The following ABLIM3 variants were observed in gnomAD, a reference collection of about 807,000 sequenced individuals.
ABLIM3 encodes the protein actin binding LIM protein family member 3.
A neutral mutation model predicts 109.5 loss-of-function variants in ABLIM3; 61 were observed. The ratio of observed to expected loss-of-function variants is 0.56; its 90% CI spans 0.45 to 0.69. The LOEUF is 0.69. Among genes scored for constraint, ABLIM3 ranks in the 30% least tolerant of loss-of-function variants. The pLI is 0.00. For synonymous variants in ABLIM3, 300 were observed against 324.8 expected (o/e 0.92, Z 0.82); for missense variants, 796 against 889.5 (o/e 0.89, Z 1.34).
chr5:149,253,786 C>T (rs548977011), intron 23 of ABLIM3, among the ~76,000 whole-genome samples: 1 of 152,266 alleles, frequency 6.6e-6, no homozygotes, highest in Admixed American at 6.5e-5. Flanking sequence ...GCACACTCTG[C>T]CCCTTACAGC....
At chr5:149,175,626 C>T in intron 2 of ABLIM3, among the ~76,000 whole-genome samples, 1 of 152,044 alleles carries the variant, frequency 6.6e-6, no homozygotes, top group East Asian at 1.9e-4. Context: ...GAGGGGCGGG[C>T]AATCCGGCAG....
rs746279555 is a variant in ABLIM3 at position 149,142,120 on chromosome 5, C to T, written c.13+12C>T. 6.2e-7 allele frequency: 1 copy of T among 1,613,550 alleles called. No homozygotes were observed. Among genetic ancestry groups the T allele is most frequent in the East Asian group, 2.2e-5 (1 of 44,836 alleles). ...CATGAACACTAGCAGTAAGTGGATC[C>T]TCCTCTCCTTTGCCATGGGAACAGG... On this transcript the variant is annotated intron_variant, in intron 2 of 23. Transcript: ENST00000309868.
intron 3 of ABLIM3, among the ~76,000 whole-genome samples, chr5:149,190,571 T>C (rs1214974992): frequency 2.0e-5 from 3 of 152,062 alleles, no homozygotes; most frequent in Non-Finnish European, 4.4e-5. Context: ...TCCCAGCTAC[T>C]TGGGAGGCTG....
rs1354585187 is a variant in ABLIM3 at position 149,243,837 on chromosome 5, G to A, written c.1352-1044G>A. On this transcript the variant is annotated intron_variant, in intron 15 of 23. Coordinates refer to ENST00000309868, the MANE Select transcript of ABLIM3 (RefSeq NM_014945.5). ...AAAGCAGACTCAAGAGGAGTCTGGG[G>A]TGGAGGTGGGTTGCTTGGAAAAGAG... 2.0e-5 allele frequency: 3 copies of A among 152,282 alleles called. No homozygotes were observed. In the East Asian group the frequency reaches 5.8e-4, roughly 29 times the overall value. 9.4% of individuals were successfully genotyped at this position (152,282 alleles called of 1,614,324 possible).
intron 3 of ABLIM3, among the ~76,000 whole-genome samples, chr5:149,193,552 A>G (rs914608521): frequency 6.6e-6 from 1 of 152,194 alleles, no homozygotes; most frequent in Non-Finnish European, 1.5e-5. Flanking sequence ...TGGTTGAACT[A>G]TATAGTCAAA....
At chr5:149,183,646 C>G in intron 3 of ABLIM3, 57 bp downstream of exon 3, 4 of 1,444,660 alleles carry the variant, frequency 2.8e-6, no homozygotes, top group South Asian at 1.6e-5. Context: ...CTTGCACCAT[C>G]AGGTCATGCC....
chr5:149,252,373 T>G, intron 22 of ABLIM3, 165 bp downstream of exon 22: 1 of 689,856 alleles, frequency 1.4e-6, no homozygotes, highest in Non-Finnish European at 2.3e-6. Flanking sequence ...TTGGCCCACT[T>G]TTCCTGAATC....
chr5:149,183,971 G>GT (rs11407929), intron 3 of ABLIM3, among the ~76,000 whole-genome samples: 45,185 of 144,492 alleles, frequency 0.31, 7,202 homozygotes, highest in East Asian at 0.5. Flanking sequence ...TTGTTTTTTG[G>GT]TTTTTTTTTT....
Position 149,240,597 on chromosome 5 carries a change from T to C in ABLIM3, c.1205-79T>C, listed in dbSNP as rs965617990. 19 of 1,170,280 alleles carry C rather than the reference T, an allele frequency of 1.6e-5. No individual in the cohort carries two copies. In the African/African-American group the frequency reaches 2.9e-4, roughly 18 times the overall value. The allele number at this position is 1,170,280 out of a possible 1,614,324, so 72.5% of individuals were successfully genotyped here. A position where few individuals can be genotyped will look rare whatever the true frequency, so the allele number is the denominator to read the frequency against. On this transcript the variant is annotated intron_variant, in intron 13 of 23. Coordinates refer to ENST00000309868, the MANE Select transcript of ABLIM3 (RefSeq NM_014945.5). ...ATCTCTGCTGTCATCACCTCACCAC[T>C]TCCTAAACTGCCACCGCGTTAATGC...
At chr5:149,202,749 A>T (rs547231069) in intron 5 of ABLIM3, among the ~76,000 whole-genome samples, 1 of 152,302 alleles carries the variant, frequency 6.6e-6, no homozygotes, top group East Asian at 1.9e-4. Context: ...GTCAAGAGAA[A>T]ATAATTCTGT....
chr5:149,141,979 C>A, intron 1 of ABLIM3, 30 bp from the exon 2 acceptor site: 1 of 1,416,650 alleles, frequency 7.1e-7, no homozygotes, highest in Non-Finnish European at 1.0e-6. Flanking sequence ...GGATACAGAG[C>A]TGGCACTGGA....
At chr5:149,155,560 TC>T (rs1297169994) in intron 2 of ABLIM3, among the ~76,000 whole-genome samples, 5 of 152,116 alleles carry the variant, frequency 3.3e-5, no homozygotes, top group Non-Finnish European at 5.9e-5. Flanking sequence ...TTCCATTCAA[TC>T]TGGTCCTTGG....
At chr5:149,155,387 T>G (rs781002039) in intron 2 of ABLIM3, among the ~76,000 whole-genome samples, 8 of 152,174 alleles carry the variant, frequency 5.3e-5, no homozygotes, top group Non-Finnish European at 1.0e-4. Flanking sequence ...GACAGAGAAC[T>G]GGACCTCAGA....
chr5:149,171,616 G>A (rs1416713444), intron 2 of ABLIM3, among the ~76,000 whole-genome samples: 1 of 152,186 alleles, frequency 6.6e-6, no homozygotes, highest in Non-Finnish European at 1.5e-5. Context: ...ATGGAAATTG[G>A]CTTCTGCTTT....
intron 4 of ABLIM3, among the ~76,000 whole-genome samples, chr5:149,199,564 G>T (rs9325135): frequency 0.014 from 2,203 of 152,274 alleles, 58 homozygotes; most frequent in African/African-American, 0.05. Context: ...TCTACCAAAA[G>T]CTAGTGGCTG....
In ABLIM3 at chr5:149,196,491, A is replaced by G. The variant is rs115065509; in HGVS notation, c.152-1728A>G. Reference sequence around the variant, plus strand: ...ATGTAGAAAGCCCGAATACCTGTTCATCAATGTGGATGAGAGGTGTGACCT... The same window carrying G: ...ATGTAGAAAGCCCGAATACCTGTTCGTCAATGTGGATGAGAGGTGTGACCT... On this transcript the variant is annotated intron_variant, in intron 3 of 23. Transcript: ENST00000309868. 5.4e-3 allele frequency among the ~76,000 whole-genome samples: 824 copies of G among 152,372 alleles called. 6 individuals are homozygous for G. The highest frequency in any genetic ancestry group is 0.019 in the African/African-American group (774 of 41,594).
At chr5:149,152,466 C>T (rs1270368815) in intron 2 of ABLIM3, among the ~76,000 whole-genome samples, 1 of 152,182 alleles carries the variant, frequency 6.6e-6, no homozygotes, top group Admixed American at 6.5e-5. Flanking sequence ...CTTATTCCCC[C>T]AACTGACCCA....
In ABLIM3 at chr5:149,242,938, C is replaced by A. The variant is rs372109377; in HGVS notation, c.1351+400C>A. The stretch of plus-strand genomic sequence containing the variant: ...GGCCCCACCCCAGGCTTACTGAATT[C>A]GAATTCTGTATGTGTCACGGTTTCT... On this transcript the variant is annotated intron_variant, in intron 15 of 23. Transcript: ENST00000309868. Among the ~76,000 whole-genome samples the A allele has an allele frequency of 1.4e-4, 21 of 152,280 alleles. 2 individuals carry two copies. The highest frequency in any genetic ancestry group is 5.1e-4 in the African/African-American group (21 of 41,560).
chr5:149,255,505 G>A (rs980065097), intron 23 of ABLIM3, among the ~76,000 whole-genome samples: 2 of 152,216 alleles, frequency 1.3e-5, no homozygotes, highest in African/African-American at 4.8e-5. Flanking sequence ...TTAAAGGAGA[G>A]AAGAGAAGGG....
Sources: allele counts gnomAD v4.1 joint callset (sites outside exome capture counted in the v4.1 genomes callset), GRCh38; gene constraint gnomAD v4.1.1; transcripts MANE v1.5; gene names NCBI Gene and HGNC (gene_info 2026-07-23, HGNC 2026-07-21).